Variants in NASP observed in about 807,000 individuals in gnomAD.
NASP encodes nuclear autoantigenic sperm protein, also known as NASP histone chaperone.
NASP carries 24 observed loss-of-function variants against 89.5 expected under a neutral mutation model. The observed-to-expected ratio is 0.27, with a 90% CI of 0.19 to 0.38. The LOEUF (loss-of-function observed/expected upper bound fraction) is 0.38. Among genes scored for constraint, NASP ranks in the 10% least tolerant of loss-of-function variants. NASP has a pLI of 1.00. For missense variants in NASP, 848 were observed against 921.4 expected (o/e 0.92, Z 1.03); for synonymous variants, 306 against 324.7 (o/e 0.94, Z 0.62).
intron 2 of NASP, among the ~76,000 whole-genome samples, chr1:45,596,604 A>T (rs1643701974): frequency 6.6e-6 from 1 of 152,212 alleles, no homozygotes; most frequent in African/African-American, 2.4e-5. Context: ...CATAAGTAGA[A>T]GATCTAGAAT....
At chr1:45,584,742 C>T (rs1402128800) in intron 1 of NASP, among the ~76,000 whole-genome samples, 1 of 151,952 alleles carries the variant, frequency 6.6e-6, no homozygotes, top group Non-Finnish European at 1.5e-5. Context: ...CTCGCCGGCC[C>T]TGGGGCAGGG....
chr1:45,615,571 T>C, intron 11 of NASP, 100 bp downstream of exon 11: 3 of 1,136,972 alleles, frequency 2.6e-6, no homozygotes, highest in South Asian at 1.5e-5. Flanking sequence ...TTCCAGGGAG[T>C]TGGTGGGCTC....
At chr1:45,590,339 C>T (rs1485191067) in intron 1 of NASP, among the ~76,000 whole-genome samples, 4 of 158 alleles carry the variant, frequency 0.025, no homozygotes, top group African/African-American at 0.06. Flanking sequence ...GGTCAGGAGA[C>T]GAGACCATCC....
chr1:45,599,514 G>C (rs925746999), intron 2 of NASP, among the ~76,000 whole-genome samples: 2 of 151,898 alleles, frequency 1.3e-5, no homozygotes, highest in Non-Finnish European at 2.9e-5. Context: ...TGCAACCTCT[G>C]CCTCCCTGGT....
intron 1 of NASP, among the ~76,000 whole-genome samples, chr1:45,588,228 C>T (rs1157822892): frequency 6.6e-6 from 1 of 152,044 alleles, no homozygotes; most frequent in Non-Finnish European, 1.5e-5. Context: ...CTCAGCCTCC[C>T]AAGTAGTTGG....
chr1:45,617,078 C>A (rs923440975), intron 13 of NASP, among the ~76,000 whole-genome samples: 1 of 152,142 alleles, frequency 6.6e-6, no homozygotes, highest in Non-Finnish European at 1.5e-5. Flanking sequence ...CTGCTGACCT[C>A]GTGATCCACC....
intron 1 of NASP, chr1:45,588,661 C>T (rs761251660): frequency 2.4e-5 from 11 of 449,352 alleles, no homozygotes; most frequent in Non-Finnish European, 3.6e-5. Flanking sequence ...AATGAGCGGC[C>T]GGGCGCGGTG....
chr1:45,598,684 C>G (rs1255873748), intron 2 of NASP, among the ~76,000 whole-genome samples: 1 of 152,146 alleles, frequency 6.6e-6, no homozygotes, highest in Admixed American at 6.5e-5. Context: ...ATTAACATAT[C>G]CAAAGCTAAA....
At chr1:45,612,477 T>TTTA (rs1644032305) in intron 6 of NASP, 2 of 152,340 alleles carry the variant, frequency 1.3e-5, no homozygotes, top group Middle Eastern at 3.4e-3. Context: ...GAGCCTGACC[T>TTTA]TTAGATGGTT....
At chr1:45,590,976 G>A (rs1202343255) in intron 1 of NASP, among the ~76,000 whole-genome samples, 2 of 152,168 alleles carry the variant, frequency 1.3e-5, no homozygotes, top group Admixed American at 1.3e-4. Context: ...TGAAAGCACT[G>A]CCCTTTAAGT....
At chr1:45,585,981 A>G (rs781053970) in intron 1 of NASP, among the ~76,000 whole-genome samples, 2 of 152,124 alleles carry the variant, frequency 1.3e-5, no homozygotes, top group Admixed American at 6.6e-5. Flanking sequence ...GTATGCAACA[A>G]ATACCTCTTG....
At chr1:45,613,029 T>C in intron 6 of NASP, 140 bp from the exon 7 acceptor site, 1 of 1,210,224 alleles carries the variant, frequency 8.3e-7, no homozygotes, top group South Asian at 1.7e-5. Flanking sequence ...TGACGATATA[T>C]TCAGTTCAGG....
intron 3 of NASP, among the ~76,000 whole-genome samples, chr1:45,603,673 G>A (rs1405142534): frequency 2.0e-5 from 3 of 149,618 alleles, no homozygotes; most frequent in African/African-American, 5.0e-5. Context: ...GCGATGGCGC[G>A]ATGTCAGCTC....
At chr1:45,613,914 C>G (rs1024086488) in intron 7 of NASP, among the ~76,000 whole-genome samples, 182 bp from the exon 8 acceptor site, 1 of 151,986 alleles carries the variant, frequency 6.6e-6, no homozygotes, top group Non-Finnish European at 1.5e-5. Flanking sequence ...CAACATTTCA[C>G]TGTTAAAATA....
chr1:45,607,115 AAGC>A (rs761838863), intron 5 of NASP: 29 of 572,862 alleles, frequency 5.1e-5, no homozygotes, highest in Non-Finnish European at 8.0e-5. Flanking sequence ...CTAGTGTAAC[AAGC>A]TTGGGTTTCT....
At chr1:45,584,551 C>T (rs916214225) in intron 1 of NASP, among the ~76,000 whole-genome samples, 10 of 152,202 alleles carry the variant, frequency 6.6e-5, no homozygotes, top group African/African-American at 9.6e-5. Flanking sequence ...GGCCTTCACG[C>T]CCCTTCTGTC....
At chr1:45,606,322 T>C (rs1228721237) in intron 4 of NASP, among the ~76,000 whole-genome samples, 160 bp from the exon 5 acceptor site, 2 of 152,236 alleles carry the variant, frequency 1.3e-5, no homozygotes, top group Non-Finnish European at 2.9e-5. Flanking sequence ...TTTATATTAC[T>C]AAAGTTTTGA....
At chr1:45,613,961 C>T (rs1280969682) in intron 7 of NASP, 135 bp from the exon 8 acceptor site, 1 of 645,258 alleles carries the variant, frequency 1.5e-6, no homozygotes, top group Non-Finnish European at 2.7e-6. Context: ...AGTATGTGGA[C>T]CCATTCTCTA....
At chr1:45,616,821 T>A in intron 13 of NASP, 118 bp downstream of exon 13, 1 of 984,802 alleles carries the variant, frequency 1.0e-6, no homozygotes, top group Non-Finnish European at 1.6e-6. Context: ...CCAAAGGTGG[T>A]AAGGATTTGT....
Sources: allele counts gnomAD v4.1 joint callset (sites outside exome capture counted in the v4.1 genomes callset), GRCh38; gene constraint gnomAD v4.1.1; transcripts MANE v1.5; gene names NCBI Gene and HGNC (gene_info 2026-07-23, HGNC 2026-07-21).